Variants in ZDBF2 observed in about 807,000 individuals in gnomAD.
ZDBF2 encodes zinc finger DBF-type containing 2, also known as DBF4-type zinc finger-containing protein 2.
In ZDBF2, 6 loss-of-function variants were observed where a neutral mutation model predicts 9.4. The observed-to-expected ratio is 0.64, with a 90% CI of 0.35 to 1.27. ZDBF2 has a LOEUF of 1.27. ZDBF2 is among the 50% of genes most tolerant of loss of function. The pLI is 0.03. For synonymous variants in ZDBF2, 905 were observed against 946.3 expected, an observed-to-expected ratio of 0.96 and a Z score of 0.80; for missense variants, 2,697 against 2,766.8, an observed-to-expected ratio of 0.97 and a Z score of 0.57.
At position 206,311,375 on chromosome 2, in the gene ZDBF2, T is replaced by G. The variant is rs1330806110; in HGVS notation, c.6847T>G (p.Ser2283Ala). 6.2e-7 allele frequency: 1 copy of G among 1,606,590 alleles called. No homozygotes were observed. Among genetic ancestry groups the G allele is most frequent in the Non-Finnish European group, 8.5e-7 (1 of 1,176,450 alleles). Residue 2283 changes from serine to alanine, a missense_variant, in exon 5 of 5, where the codon TCA becomes GCA. By Grantham distance (99) the Ser-to-Ala change is moderately conservative (BLOSUM62 1). Around this residue, in one of 3 missense-constraint regions of ZDBF2, gnomAD observed 1,783 missense variants for 1,776.5 expected, o/e 1.00. Coordinates refer to ENST00000374423, the MANE Select transcript of ZDBF2 (RefSeq NM_020923.3). ...SVPPAGAEEL[S>A]SAMANPPPKR... is the part of the protein sequence containing the mutation. ...TCCACCAGCTGGTGCCGAAGAGCTG[T>G]CAAGCGCTATGGCAAATCCTCCTCC...
intron 3 of ZDBF2, among the ~76,000 whole-genome samples, chr2:206,292,946 A>AT (rs528736229): frequency 2.3e-4 from 35 of 151,062 alleles, no homozygotes; most frequent in African/African-American, 5.6e-4. Flanking sequence ...TCAGAGAAGT[A>AT]TTTTTTTTTA....
chr2:206,293,940 C>A (rs1692032534), intron 3 of ZDBF2, among the ~76,000 whole-genome samples: 1 of 152,066 alleles, frequency 6.6e-6, no homozygotes, highest in Non-Finnish European at 1.5e-5. Context: ...AAGACACATA[C>A]AAGAAGGTTC....
intron 3 of ZDBF2, among the ~76,000 whole-genome samples, chr2:206,288,452 TG>T (rs1691711638): frequency 6.6e-6 from 1 of 152,206 alleles, no homozygotes; most frequent in South Asian, 2.1e-4. Flanking sequence ...CACCTGTTCT[TG>T]TTTTCATTAC....
Position 206,304,943 on chromosome 2 carries a change from C to A in ZDBF2, c.415C>A (p.Gln139Lys). The A allele has an allele frequency of 2.5e-6, 4 of 1,613,512 alleles. No homozygotes were observed. Among genetic ancestry groups the A allele is most frequent in the Non-Finnish European group, 3.4e-6 (4 of 1,179,716 alleles). ...QEVSVRPSVI[Q>K]KLEKGQQQPL... Reference sequence around the variant, plus strand: ...GGTTTCAGTTCGACCATCAGTTATTCAAAAACTGGAGAAGGGACAGCAGCA... The same window carrying A: ...GGTTTCAGTTCGACCATCAGTTATTAAAAAACTGGAGAAGGGACAGCAGCA... Residue 139 changes from glutamine (Q) to lysine (K), a missense_variant, in exon 5 of 5, where the codon CAA becomes AAA. By Grantham distance (53) the Gln-to-Lys change is moderately conservative. Around this residue, in one of 3 missense-constraint regions of ZDBF2, gnomAD observed 910 missense variants for 973.6 expected, o/e 0.93. Coordinates refer to ENST00000374423, the MANE Select transcript of ZDBF2 (RefSeq NM_020923.3).
intron 4 of ZDBF2, among the ~76,000 whole-genome samples, chr2:206,301,878 C>A (rs61303549): frequency 0.011 from 1,716 of 149,462 alleles, 37 homozygotes; most frequent in African/African-American, 0.039. Context: ...TTTATGAATT[C>A]TTTTCTTAAT....
intron 3 of ZDBF2, among the ~76,000 whole-genome samples, chr2:206,287,180 T>C (rs551239311): frequency 6.6e-6 from 1 of 152,356 alleles, no homozygotes; most frequent in Admixed American, 6.5e-5. Context: ...TTTTATACTT[T>C]TGGATGTTTT....
At chr2:206,275,598 G>C (rs1270156063) in intron 1 of ZDBF2, among the ~76,000 whole-genome samples, 1 of 152,078 alleles carries the variant, frequency 6.6e-6, no homozygotes, top group Non-Finnish European at 1.5e-5. Flanking sequence ...TTGGTAGCTC[G>C]TGAAAAAAAT....
chr2:206,308,366 C>T lies in ZDBF2; in HGVS notation c.3838C>T (p.Pro1280Ser). Reference sequence around the variant, plus strand: ...TGACTTGGAAAATAAGATTGTCAAACCTACAGATTCCAGAATAAATTTTGA... The same window carrying T: ...TGACTTGGAAAATAAGATTGTCAAATCTACAGATTCCAGAATAAATTTTGA... ...HVDLENKIVK[P>S]TDSRINFDSH... The change falls in exon 5 of 5, where the codon CCT (proline) becomes TCT (serine). Residue 1280 changes from proline to serine, a missense_variant. Physicochemically the swap from Pro to Ser is moderately conservative, Grantham distance 74. Transcript: ENST00000374423. 6.2e-7 allele frequency: 1 copy of T among 1,612,808 alleles called. No homozygotes were observed. Among genetic ancestry groups the T allele is most frequent in the Non-Finnish European group, 8.5e-7 (1 of 1,179,578 alleles).
In ZDBF2 at chr2:206,282,045, G is replaced by A. The variant is rs1574378627; in HGVS notation, c.60+136G>A. On this transcript the variant is annotated intron_variant, in intron 3 of 4. Transcript: ENST00000374423. ...TATTAGTTGGCAGACACTGTTTAAGGTTCTAGGGATATGACCATGAACAAA... is the reference window on the plus strand; with the variant it reads ...TATTAGTTGGCAGACACTGTTTAAGATTCTAGGGATATGACCATGAACAAA... 4 of 759,196 alleles carry A rather than the reference G, an allele frequency of 5.3e-6. No individual in the cohort carries two copies. In the East Asian group the frequency reaches 8.7e-5, roughly 17 times the overall value. The allele number at this position is 759,196 out of a possible 1,614,324, so 47.0% of individuals were successfully genotyped here.
At chr2:206,284,701 G>A (rs1013234385) in intron 3 of ZDBF2, among the ~76,000 whole-genome samples, 4 of 152,042 alleles carry the variant, frequency 2.6e-5, no homozygotes, top group Admixed American at 6.6e-5. Flanking sequence ...TGGCTGAATC[G>A]TATTCTACTG....
At chr2:206,304,555 C>A (rs1263278495) in intron 4 of ZDBF2, among the ~76,000 whole-genome samples, 162 bp from the exon 5 acceptor site, 4 of 152,174 alleles carry the variant, frequency 2.6e-5, no homozygotes, top group Non-Finnish European at 5.9e-5. Context: ...AGTAATTCCC[C>A]CTCTGTGGTC....
At chr2:206,277,687 TG>T (rs1200359042) in intron 1 of ZDBF2, among the ~76,000 whole-genome samples, 1 of 150,794 alleles carries the variant, frequency 6.6e-6, no homozygotes, top group African/African-American at 2.4e-5. Context: ...ATTACGATGT[TG>T]TTTGTGAAAA....
In ZDBF2 at chr2:206,311,785, G is replaced by GA. The variant is rs753953783; in HGVS notation, c.*195dup. On this transcript the variant is annotated 3_prime_UTR_variant, in exon 5 of 5. Transcript: ENST00000374423. ...TAGAGTCCTTTCATTTTAAGATTCA[G>GA]AAACAGCCTTTGTCCAACATTTTCT... The GA allele has an allele frequency of 8.0e-5, 39 of 488,772 alleles. No homozygotes were observed. Among genetic ancestry groups the GA allele is most frequent in the Non-Finnish European group, 1.2e-4 (37 of 317,176 alleles). 30.3% of individuals were successfully genotyped at this position (488,772 alleles called of 1,614,324 possible).
In ZDBF2 at chr2:206,307,702, A is replaced by C; in HGVS notation, c.3174A>C (p.Leu1058=). 1.2e-6 allele frequency: 2 copies of C among 1,613,532 alleles called. No individual in the cohort carries two copies. The highest frequency in any genetic ancestry group is 1.7e-6 in the Non-Finnish European group (2 of 1,179,718). ...PPQSMTDQPQ[L]AFLKEKHVNL... ...AGTCAATGACTGACCAACCTCAACT[A>C]GCTTTTTTGAAGGAAAAACATGTTA... The change falls in exon 5 of 5, where the codon CTA becomes CTC. Residue 1058 remains leucine (L), a synonymous_variant. Coordinates refer to ENST00000374423, the MANE Select transcript of ZDBF2 (RefSeq NM_020923.3).
Position 206,312,553 on chromosome 2 carries a change from T to G in ZDBF2, c.*960T>G, listed in dbSNP as rs973629007. 2.6e-5 allele frequency: 4 copies of G among 152,434 alleles called. No individual in the cohort carries two copies. Among genetic ancestry groups the G allele is most frequent in the Middle Eastern group, 3.4e-3 (1 of 296 alleles). The allele number at this position is 152,434 out of a possible 1,614,324, so 9.4% of individuals were successfully genotyped here. On this transcript the variant is annotated 3_prime_UTR_variant, in exon 5 of 5. Transcript: ENST00000374423. Reference sequence around the variant, plus strand: ...CCTAAGCCTCTCGAGTAGCTGGGACTACAGGCGTGCGCCACCATGCCCGGC... The same window carrying G: ...CCTAAGCCTCTCGAGTAGCTGGGACGACAGGCGTGCGCCACCATGCCCGGC...
chr2:206,310,677 T>G lies in ZDBF2; in HGVS notation c.6149T>G (p.Phe2050Cys). ...ATATGCAAATATAAACGGAATATCT[T>G]TGATTATTATGAGCCCTTGATTAAG... Reference protein sequence around the residue: ...RFICKYKRNIFDYYEPLIKQI... With the variant: ...RFICKYKRNICDYYEPLIKQI... Residue 2050 changes from phenylalanine (F) to cysteine (C), a missense_variant, in exon 5 of 5, where the codon TTT becomes TGT. Phe to Cys is a radical substitution (Grantham distance 205). Around this residue, in one of 3 missense-constraint regions of ZDBF2, gnomAD observed 1,783 missense variants for 1,776.5 expected, o/e 1.00. Coordinates refer to ENST00000374423, the MANE Select transcript of ZDBF2 (RefSeq NM_020923.3). 1 of 1,612,336 alleles carries G rather than the reference T, an allele frequency of 6.2e-7. No homozygotes were observed. The highest frequency in any genetic ancestry group is 8.5e-7 in the Non-Finnish European group (1 of 1,179,146).
chr2:206,304,544 C>T (rs1294988207), intron 4 of ZDBF2, among the ~76,000 whole-genome samples, 173 bp from the exon 5 acceptor site: 1 of 152,216 alleles, frequency 6.6e-6, no homozygotes, highest in Non-Finnish European at 1.5e-5. Flanking sequence ...CCACCTTCTG[C>T]AGTAATTCCC....
chr2:206,289,915 C>T (rs558099235), intron 3 of ZDBF2, among the ~76,000 whole-genome samples: 4 of 152,254 alleles, frequency 2.6e-5, no homozygotes, highest in African/African-American at 9.6e-5. Context: ...CCTGGCATTC[C>T]CTTCTGCTCT....
intron 3 of ZDBF2, among the ~76,000 whole-genome samples, chr2:206,283,156 G>A (rs910546488): frequency 6.6e-6 from 1 of 152,214 alleles, no homozygotes; most frequent in African/African-American, 2.4e-5. Flanking sequence ...TGACTGTTAT[G>A]AATAGTGCTG....
Sources: allele counts gnomAD v4.1 joint callset (sites outside exome capture counted in the v4.1 genomes callset), GRCh38; gene constraint gnomAD v4.1.1; regional missense constraint gnomAD v4.1.1; transcripts MANE v1.5; gene names NCBI Gene and HGNC (gene_info 2026-07-23, HGNC 2026-07-21).